The following CPNE1 variants were observed in gnomAD, a reference collection of about 807,000 sequenced individuals.
CPNE1 encodes the protein copine 1, also known as copine-1.
Under a neutral mutation model 63.2 loss-of-function variants are expected in CPNE1, and 58 were observed. The ratio of observed to expected loss-of-function variants is 0.92; its 90% CI spans 0.74 to 1.14. The LOEUF (loss-of-function observed/expected upper bound fraction) is 1.14, where lower values mean the gene tolerates loss of function less well. Ranked by LOEUF, CPNE1 falls within the 50% of genes most tolerant of loss-of-function variation. CPNE1 has a pLI of 0.00. For missense variants in CPNE1, 672 were observed against 661.7 expected (o/e 1.02, Z -0.17); for synonymous variants, 237 against 249.0 (o/e 0.95, Z 0.45).
intron 14 of CPNE1, 83 bp downstream of exon 14, chr20:35,627,187 CAAAAAAAAAA>C (rs746796889): frequency 4.1e-4 from 221 of 536,728 alleles, no homozygotes; most frequent in Non-Finnish European, 5.2e-4. Context: ...GAGTCCATCT[CAAAAAAAAAA>C]AAAAAAAAAA....
At chr20:35,653,595 A>T in intron 1 of CPNE1, 3 of 1,614,238 alleles carry the variant, frequency 1.9e-6, no homozygotes, top group Non-Finnish European at 2.5e-6. Flanking sequence ...TATCAACAAG[A>T]ACATGTACAG....
At chr20:35,636,806 C>A (rs1305516508) in intron 1 of CPNE1, among the ~76,000 whole-genome samples, 1 of 152,064 alleles carries the variant, frequency 6.6e-6, no homozygotes, top group Non-Finnish European at 1.5e-5. Context: ...AGAGTATGAC[C>A]ATTTTTTACT....
At chr20:35,652,829 C>T (rs747299609) in intron 1 of CPNE1, 10 of 1,604,332 alleles carry the variant, frequency 6.2e-6, no homozygotes, top group Non-Finnish European at 8.5e-6. Flanking sequence ...GGGCCGGGGC[C>T]GGGGCCGGGG....
At chr20:35,655,264 C>T in intron 1 of CPNE1, 1 of 1,612,420 alleles carries the variant, frequency 6.2e-7, no homozygotes, top group Non-Finnish European at 8.5e-7. Context: ...GAAGAAGTGG[C>T]GAATGTCCAT....
At chr20:35,642,142 T>A (rs1284704741) in intron 1 of CPNE1, among the ~76,000 whole-genome samples, 1 of 152,198 alleles carries the variant, frequency 6.6e-6, no homozygotes, top group Non-Finnish European at 1.5e-5. Flanking sequence ...GAGGTTCTAA[T>A]TTTCCTATTC....
At chr20:35,654,171 A>C (rs2033738493) in intron 1 of CPNE1, 1 of 1,614,246 alleles carries the variant, frequency 6.2e-7, no homozygotes, top group Non-Finnish European at 8.5e-7. Context: ...GGCCTCCAGC[A>C]GCTACCCACT....
intron 9 of CPNE1, 22 bp from the exon 10 acceptor site, chr20:35,631,195 T>C (rs1221453615): frequency 6.2e-7 from 1 of 1,613,914 alleles, no homozygotes; most frequent in Admixed American, 1.7e-5. Context: ...ACCAGGGTCA[T>C]GCCTGGGGTG....
chr20:35,634,938 C>T (rs1214445067), intron 1 of CPNE1, among the ~76,000 whole-genome samples: 1 of 136,422 alleles, frequency 7.3e-6, no homozygotes, highest in Non-Finnish European at 1.5e-5. Flanking sequence ...GAGACAGGGT[C>T]TCACTATGTT....
chr20:35,658,848 G>T, intron 1 of CPNE1: 3 of 667,590 alleles, frequency 4.5e-6, no homozygotes, highest in Non-Finnish European at 5.5e-6. Flanking sequence ...CAATATAGTT[G>T]CTACATATAT....
chr20:35,638,526 A>C (rs1214877942), intron 1 of CPNE1, among the ~76,000 whole-genome samples: 1 of 152,242 alleles, frequency 6.6e-6, no homozygotes. Flanking sequence ...TGGCAAGGAT[A>C]TGGAACTCTC....
intron 14 of CPNE1, 127 bp downstream of exon 14, chr20:35,627,153 A>G (rs1601414046): frequency 2.1e-6 from 2 of 937,422 alleles, no homozygotes; most frequent in African/African-American, 1.9e-5. Flanking sequence ...GCGTCACTGC[A>G]CTCCAGCCTG....
chr20:35,631,950 A>T lies in CPNE1; in HGVS notation c.532T>A (p.Ser178Thr), dbSNP rs372765516. ...GDGKWHLVYRSEVIKNNLNPT... is the reference protein window; with the variant it reads ...GDGKWHLVYRTEVIKNNLNPT... ...CAATCCCAGGGGTCTCATACCTCAGATCTGTACACCAGGTGCCATTTCCCA... is the reference window on the plus strand; with the variant it reads ...CAATCCCAGGGGTCTCATACCTCAGTTCTGTACACCAGGTGCCATTTCCCA... The change falls in exon 6 of 16, where the codon TCT becomes ACT. Residue 178 changes from serine to threonine, a missense_variant. Ser to Thr is a moderately conservative substitution (Grantham distance 58, BLOSUM62 1). Coordinates refer to ENST00000397443, the MANE Select transcript of CPNE1 (RefSeq NM_152925.3). The T allele has an allele frequency of 3.8e-5, 61 of 1,613,648 alleles. No individual in the cohort carries two copies. Among genetic ancestry groups the T allele is most frequent in the Non-Finnish European group, 5.0e-5 (59 of 1,179,772 alleles).
At chr20:35,663,050 C>T (rs2034321983) in intron 1 of CPNE1, among the ~76,000 whole-genome samples, 1 of 152,180 alleles carries the variant, frequency 6.6e-6, no homozygotes, top group South Asian at 2.1e-4. Flanking sequence ...AGCACATCTT[C>T]ATTGTTTTGT....
At chr20:35,661,179 C>G (rs1017996585) in intron 1 of CPNE1, among the ~76,000 whole-genome samples, 1 of 152,166 alleles carries the variant, frequency 6.6e-6, no homozygotes, top group Non-Finnish European at 1.5e-5. Flanking sequence ...CTTCACAACC[C>G]TTGGTATTAT....
intron 13 of CPNE1, among the ~76,000 whole-genome samples, chr20:35,628,145 C>T (rs1052516048): frequency 7.9e-5 from 12 of 151,618 alleles, no homozygotes; most frequent in African/African-American, 1.9e-4. Flanking sequence ...ACTAGCCGGG[C>T]GTGGTGGTGG....
intron 1 of CPNE1, among the ~76,000 whole-genome samples, chr20:35,643,926 A>G (rs1375329383): frequency 2.6e-5 from 4 of 152,040 alleles, no homozygotes; most frequent in East Asian, 1.9e-4. Flanking sequence ...CACTTTCCCT[A>G]AAAGTCAGGG....
chr20:35,647,992 G>A (rs1263081669), intron 1 of CPNE1, among the ~76,000 whole-genome samples: 1 of 151,676 alleles, frequency 6.6e-6, no homozygotes, highest in Non-Finnish European at 1.5e-5. Flanking sequence ...TTGAACCCAG[G>A]AGGTGGAGGT....
rs144944026 is a variant in CPNE1, at chr20:35,656,421, G to A, written c.-1+8339C>T. Among the ~76,000 whole-genome samples the A allele has an allele frequency of 1.2e-4, 18 of 152,312 alleles. No homozygotes were observed. The East Asian group carries it at 3.1e-3, about 26-fold the overall frequency. ...GCTTCTAAGAGCAAATTCAAGGGCA[G>A]CCCTTTGGAAAGTGACACAAACCGA... On this transcript the variant is annotated intron_variant, in intron 1 of 15. Transcript: ENST00000397443.
chr20:35,628,220 G>C (rs961458350), intron 13 of CPNE1, among the ~76,000 whole-genome samples: 3 of 152,016 alleles, frequency 2.0e-5, no homozygotes, highest in Admixed American at 2.0e-4. Flanking sequence ...AGGAGGTGGA[G>C]CTTGCAGTGA....
Sources: gnomAD v4.1 joint callset for allele counts (sites outside exome capture counted in the v4.1 genomes callset) on GRCh38, gnomAD v4.1.1 for gene constraint, MANE v1.5 for transcripts, NCBI Gene and HGNC (gene_info 2026-07-23, HGNC 2026-07-21) for gene names.